OVCH1: variants seen among roughly 807,000 people sequenced by gnomAD.
OVCH1 encodes the protein ovochymase 1.
Under a neutral mutation model 138.4 loss-of-function variants are expected in OVCH1, and 139 were observed. That is an observed-to-expected ratio of 1.00 (90% confidence interval 0.87 to 1.16). The LOEUF (loss-of-function observed/expected upper bound fraction) is 1.16. OVCH1 is among the 50% of genes most tolerant of loss of function. The pLI is 0.00. For missense variants in OVCH1, 1,367 were observed against 1,357.9 expected (o/e 1.01, Z -0.11); for synonymous variants, 453 against 467.8 (o/e 0.97, Z 0.41).
At chr12:29,488,620 CAAAAAA>C (rs67595567) in intron 6 of OVCH1, among the ~76,000 whole-genome samples, 4 of 61,752 alleles carry the variant, frequency 6.5e-5, no homozygotes, top group Admixed American at 2.2e-4. Context: ...GACTCCATCT[CAAAAAA>C]AAAAAAAAAA....
chr12:29,462,598 T>C (rs1942175963), intron 18 of OVCH1, among the ~76,000 whole-genome samples: 1 of 152,102 alleles, frequency 6.6e-6, no homozygotes, highest in African/African-American at 2.4e-5. Context: ...TCATTTTAGA[T>C]TTATGACCAA....
intron 3 of OVCH1, 128 bp downstream of exon 3, chr12:29,496,053 T>TG (rs1338282496): frequency 1.3e-6 from 1 of 746,820 alleles, no homozygotes; most frequent in African/African-American, 1.8e-5. Context: ...GGAAGATCAG[T>TG]GGGTGGGTAC....
chr12:29,447,346 T>C (rs1414532499), intron 22 of OVCH1, among the ~76,000 whole-genome samples: 1 of 152,126 alleles, frequency 6.6e-6, no homozygotes, highest in Non-Finnish European at 1.5e-5. Context: ...TTAATGATTA[T>C]TTTTAAAGGA....
chr12:29,496,984 C>G (rs1351903153), intron 1 of OVCH1, among the ~76,000 whole-genome samples: 1 of 152,104 alleles, frequency 6.6e-6, no homozygotes, highest in African/African-American at 2.4e-5. Flanking sequence ...GTTAAAGATA[C>G]CAGGAGCCAC....
intron 3 of OVCH1, among the ~76,000 whole-genome samples, chr12:29,421,989 T>C (rs1941111280): frequency 6.6e-6 from 1 of 152,162 alleles, no homozygotes; most frequent in Admixed American, 6.6e-5. Context: ...TCTCTTCTCC[T>C]TTTAAATATA....
exon 11 of OVCH1, chr12:29,477,391 C>T (rs761044217): frequency 1.2e-6 from 2 of 1,613,876 alleles, no homozygotes; most frequent in African/African-American, 1.3e-5. Flanking sequence ...GCCACTGCCA[C>T]TGTCTTCTGT....
At chr12:29,442,517 A>G (rs933493847) in intron 25 of OVCH1, among the ~76,000 whole-genome samples, 2 of 150,366 alleles carry the variant, frequency 1.3e-5, no homozygotes, top group African/African-American at 4.9e-5. Flanking sequence ...GATATACCTA[A>G]TGCTAAATGA....
intron 15 of OVCH1, 139 bp downstream of exon 15, chr12:29,472,890 G>A (rs755535217): frequency 3.5e-5 from 24 of 687,278 alleles, no homozygotes; most frequent in African/African-American, 1.5e-4. Context: ...GACTCTGGAC[G>A]TTTTATGGAC....
the OVCH1 span, among the ~76,000 whole-genome samples, chr12:29,405,183 G>A: frequency 6.6e-6 from 1 of 151,750 alleles, no homozygotes; most frequent in Admixed American, 6.6e-5. Flanking sequence ...TACTAATTAC[G>A]GTTCATTTGT....
At chr12:29,490,623 A>G (rs1332241730) in intron 5 of OVCH1, among the ~76,000 whole-genome samples, 1 of 152,220 alleles carries the variant, frequency 6.6e-6, no homozygotes, top group Non-Finnish European at 1.5e-5. Flanking sequence ...TATATTAACT[A>G]TAGTTCCCAT....
At chr12:29,448,517 A>G (rs191961068) in intron 22 of OVCH1, among the ~76,000 whole-genome samples, 1 of 152,036 alleles carries the variant, frequency 6.6e-6, no homozygotes, top group East Asian at 1.9e-4. Context: ...GGAATAGACA[A>G]TGGCCCCGAG....
the OVCH1 span, among the ~76,000 whole-genome samples, chr12:29,403,904 A>G: frequency 1.3e-5 from 2 of 152,242 alleles, no homozygotes; most frequent in African/African-American, 4.8e-5. Flanking sequence ...ATGGTATTCA[A>G]AATATACAGC....
intron 8 of OVCH1, among the ~76,000 whole-genome samples, chr12:29,480,123 G>A (rs981461105): frequency 2.6e-5 from 4 of 152,036 alleles, no homozygotes; most frequent in Non-Finnish European, 4.4e-5. Flanking sequence ...TGCCCAGCCG[G>A]AAACTCTTTA....
At chr12:29,474,158 T>C (rs1027865058) in intron 14 of OVCH1, among the ~76,000 whole-genome samples, 2 of 152,008 alleles carry the variant, frequency 1.3e-5, no homozygotes, top group Admixed American at 6.6e-5. Flanking sequence ...ACTGGACTTG[T>C]CTTCCTTCAT....
downstream of OVCH1, among the ~76,000 whole-genome samples, chr12:29,408,419 A>T (rs1388849714): frequency 3.5e-4 from 38 of 108,018 alleles, no homozygotes; most frequent in African/African-American, 9.8e-4. Flanking sequence ...GTTTTTGCCC[A>T]TTCAGTATGA....
At chr12:29,442,998 GAT>G (rs989625084) in intron 25 of OVCH1, among the ~76,000 whole-genome samples, 41 of 152,068 alleles carry the variant, frequency 2.7e-4, no homozygotes, top group African/African-American at 9.2e-4. Flanking sequence ...CCTACCAATT[GAT>G]AAACTCATGT....
chr12:29,490,271 C>A (rs1943239547), intron 5 of OVCH1, among the ~76,000 whole-genome samples: 1 of 151,658 alleles, frequency 6.6e-6, no homozygotes, highest in Non-Finnish European at 1.5e-5. Context: ...TTTGTGGAGA[C>A]AAGGTCTTCC....
intron 14 of OVCH1, among the ~76,000 whole-genome samples, chr12:29,474,072 CAT>C (rs1218884431): frequency 9.2e-5 from 9 of 98,334 alleles, no homozygotes; most frequent in East Asian, 2.6e-4. Flanking sequence ...CACACACACA[CAT>C]ACACACACAC....
At chr12:29,497,299 C>A (rs12307336) in intron 1 of OVCH1, among the ~76,000 whole-genome samples, 12,388 of 151,676 alleles carry the variant, frequency 0.082, 1,329 homozygotes, top group African/African-American at 0.25. Flanking sequence ...GAGGAATGAC[C>A]TATACTACTC....
Sources: gnomAD v4.1 joint callset for allele counts (sites outside exome capture counted in the v4.1 genomes callset) on GRCh38, gnomAD v4.1.1 for gene constraint, MANE v1.5 for transcripts, NCBI Gene and HGNC (gene_info 2026-07-23, HGNC 2026-07-21) for gene names.